Variants in B4GALT1 observed in about 807,000 individuals in gnomAD.
B4GALT1 encodes the protein N-acetyllactosamine synthase.
B4GALT1 carries 16 observed loss-of-function variants against 34.9 expected under a neutral mutation model. That is an observed-to-expected ratio of 0.46 (90% CI 0.31 to 0.70). The LOEUF (loss-of-function observed/expected upper bound fraction) is 0.70. Ranked by LOEUF, B4GALT1 falls within the 30% of genes least tolerant of loss-of-function variation. The pLI is 0.05. For synonymous variants in B4GALT1, 221 were observed against 218.1 expected, an observed-to-expected ratio of 1.01 and a Z score of -0.12; for missense variants, 445 against 530.5, an observed-to-expected ratio of 0.84 and a Z score of 1.58.
At chr9:33,184,729 C>T in the B4GALT1 span, among the ~76,000 whole-genome samples, 1 of 152,204 alleles carries the variant, frequency 6.6e-6, no homozygotes, top group African/African-American at 2.4e-5. Context: ...AGCTGCAACG[C>T]TCTAAACCAT....
the B4GALT1 span, chr9:33,179,404 A>T: frequency 6.6e-6 from 1 of 152,170 alleles, no homozygotes. Context: ...ATCGACCCTA[A>T]CTTCATCCAG....
chr9:33,167,384 C>A (rs1012906840), upstream of B4GALT1: 3 of 492,486 alleles, frequency 6.1e-6, no homozygotes, highest in South Asian at 2.8e-4. Context: ...GGGCGGGGCC[C>A]CGGCGAAGGC....
intron 1 of B4GALT1, among the ~76,000 whole-genome samples, chr9:33,135,719 A>G (rs1840259392): frequency 6.6e-6 from 1 of 152,128 alleles, no homozygotes; most frequent in African/African-American, 2.4e-5. Context: ...TGTAAAATGG[A>G]AGTAATTTCT....
In B4GALT1 at chr9:33,124,483, G is replaced by C. The variant is rs768507184; in HGVS notation, c.649-3877C>G. 3.7e-4 allele frequency among the ~76,000 whole-genome samples: 56 copies of C among 152,274 alleles called. No individual in the cohort carries two copies. In the Middle Eastern group the frequency reaches 0.01, roughly 28 times the overall value. The stretch of plus-strand genomic sequence containing the variant: ...AGAGCATGTGCATTGTATTAAATGA[G>C]ACAACATTGTCTACCAACATAAGAT... On this transcript the variant is annotated intron_variant, in intron 2 of 5. Coordinates refer to ENST00000379731, the MANE Select transcript of B4GALT1 (RefSeq NM_001497.4).
At chr9:33,134,821 A>G (rs1230080640) in intron 2 of B4GALT1, among the ~76,000 whole-genome samples, 1 of 152,252 alleles carries the variant, frequency 6.6e-6, no homozygotes, top group African/African-American at 2.4e-5. Flanking sequence ...TCTGACATCT[A>G]AATGGTGGTT....
At chr9:33,178,271 C>T in the B4GALT1 span, among the ~76,000 whole-genome samples, 5 of 152,122 alleles carry the variant, frequency 3.3e-5, no homozygotes, top group South Asian at 2.1e-4. Context: ...GGATTACAGG[C>T]GTGAGCCATT....
At chr9:33,125,029 G>A (rs558241818) in intron 2 of B4GALT1, among the ~76,000 whole-genome samples, 1 of 152,226 alleles carries the variant, frequency 6.6e-6, no homozygotes, top group African/African-American at 2.4e-5. Context: ...TGGTAGACAA[G>A]AGTTACAGTT....
chr9:33,144,549 T>C (rs1256351477), intron 1 of B4GALT1, among the ~76,000 whole-genome samples: 2 of 152,196 alleles, frequency 1.3e-5, no homozygotes, highest in Non-Finnish European at 2.9e-5. Context: ...ATTTTCTCTT[T>C]TTCTGATTTT....
At chr9:33,107,794 G>A (rs143053117), downstream of B4GALT1, among the ~76,000 whole-genome samples, 1 of 152,046 alleles carries the variant, frequency 6.6e-6, no homozygotes, top group Non-Finnish European at 1.5e-5. Context: ...CATGGGGAGG[G>A]GGTTAAACCT....
chr9:33,167,071 G>A lies in B4GALT1; in HGVS notation c.99C>T (p.His33=). ...GGTAGTAAACGAGGGTGACGCCAAG[G>A]TGCAGAGCGCAGACGGCCACGAGCA... ...CRLLVAVCAL[H]LGVTLVYYLA... is the part of the protein sequence containing the mutation. Residue 33 remains histidine, a synonymous_variant, in exon 1 of 6, where the codon CAC becomes CAT. Coordinates refer to ENST00000379731, the MANE Select transcript of B4GALT1 (RefSeq NM_001497.4). 6.2e-7 allele frequency: 1 copy of A among 1,603,634 alleles called. No individual in the cohort carries two copies. Among genetic ancestry groups the A allele is most frequent in the South Asian group, 1.1e-5 (1 of 90,808 alleles).
chr9:33,138,222 G>A (rs955705233), intron 1 of B4GALT1, among the ~76,000 whole-genome samples: 6 of 152,162 alleles, frequency 3.9e-5, no homozygotes, highest in African/African-American at 9.7e-5. Flanking sequence ...CAAGAGCCCC[G>A]GACAGGAGAA....
chr9:33,181,613 C>T, the B4GALT1 span, among the ~76,000 whole-genome samples: 1 of 152,194 alleles, frequency 6.6e-6, no homozygotes, highest in Non-Finnish European at 1.5e-5. Context: ...TACGGGGTCG[C>T]TATGGCCTGG....
intron 1 of B4GALT1, among the ~76,000 whole-genome samples, chr9:33,152,093 T>C (rs540791129): frequency 6.6e-6 from 1 of 151,918 alleles, no homozygotes; most frequent in Admixed American, 6.6e-5. Flanking sequence ...TCATTTGAGA[T>C]CAGGAGTTTG....
chr9:33,153,937 AAAC>A lies in B4GALT1; in HGVS notation c.412+12818_412+12820del, dbSNP rs1270941513. On this transcript the variant is annotated intron_variant, in intron 1 of 5. Transcript: ENST00000379731. ...CGAACAGACCTTTTCTGACAGTGGT[AAAC>A]AACTATGAAAGAGAAGAAAGGGAAG... Among the ~76,000 whole-genome samples, 7 of 150,862 alleles carry A rather than the reference AAAC, an allele frequency of 4.6e-5. No individual in the cohort carries two copies. In the South Asian group the frequency reaches 1.5e-3, roughly 32 times the overall value.
intron 1 of B4GALT1, among the ~76,000 whole-genome samples, chr9:33,166,147 CATTA>C (rs1373262432): frequency 3.3e-5 from 5 of 152,310 alleles, no homozygotes; most frequent in African/African-American, 9.6e-5. Flanking sequence ...GGCTTACCCT[CATTA>C]ATTAAGCCCT....
chr9:33,149,241 C>G (rs1276201251), intron 1 of B4GALT1, among the ~76,000 whole-genome samples: 1 of 150,594 alleles, frequency 6.6e-6, no homozygotes, highest in South Asian at 2.1e-4. Context: ...AGTAACAGGA[C>G]AAGTATATGC....
chr9:33,167,958 C>T (rs961027456), upstream of B4GALT1, among the ~76,000 whole-genome samples: 1 of 152,222 alleles, frequency 6.6e-6, no homozygotes, highest in African/African-American at 2.4e-5. Flanking sequence ...CTGTGCCTCC[C>T]CATCAGGTAG....
chr9:33,157,121 TACACACACACACACACACAC>T, intron 1 of B4GALT1, among the ~76,000 whole-genome samples: 1 of 113,254 alleles, frequency 8.8e-6, no homozygotes, highest in Admixed American at 8.7e-5. Flanking sequence ...CATAGGGAAC[TACACACACACACACACACAC>T]ACACACACAC....
upstream of B4GALT1, among the ~76,000 whole-genome samples, chr9:33,167,793 G>A (rs1840794178): frequency 6.6e-6 from 1 of 152,218 alleles, no homozygotes; most frequent in African/African-American, 2.4e-5. Flanking sequence ...GCCTTGGTGG[G>A]CTAGGAAGAG....
Sources: gnomAD v4.1 joint callset for allele counts (sites outside exome capture counted in the v4.1 genomes callset) on GRCh38, gnomAD v4.1.1 for gene constraint, MANE v1.5 for transcripts, NCBI Gene and HGNC (gene_info 2026-07-23, HGNC 2026-07-21) for gene names.